The following HELZ variants were observed in gnomAD, a reference collection of about 807,000 sequenced individuals.
The protein encoded by HELZ is ATP-dependent RNA helicase with zinc finger domain.
A neutral mutation model predicts 218.2 loss-of-function variants in HELZ; 23 were observed. The observed-to-expected ratio is 0.11, with a 90% CI of 0.08 to 0.15. The LOEUF (loss-of-function observed/expected upper bound fraction) is 0.15. Among genes scored for constraint, HELZ ranks in the 10% least tolerant of loss-of-function variants. HELZ has a pLI of 1.00. For synonymous variants in HELZ, 814 were observed against 829.4 expected (o/e 0.98, Z 0.32); for missense variants, 1,813 against 2,353.7 (o/e 0.77, Z 4.75).
intron 2 of HELZ, 172 bp from the exon 3 acceptor site, chr17:67,239,661 T>G (rs1411152111): frequency 2.0e-5 from 3 of 152,226 alleles, no homozygotes; most frequent in South Asian, 2.1e-4. Flanking sequence ...GAGATAAGCC[T>G]CCAAAGATTA....
intron 5 of HELZ, among the ~76,000 whole-genome samples, chr17:67,209,745 C>T (rs955455859): frequency 6.6e-6 from 1 of 152,172 alleles, no homozygotes. Context: ...AAGCAAGTAA[C>T]TTAATCTCAC....
chr17:67,087,157 A>G (rs116901173), intron 31 of HELZ, 76 bp from the exon 32 acceptor site: 19,807 of 1,304,638 alleles, frequency 0.015, 249 homozygotes, highest in South Asian at 0.02. Flanking sequence ...CTCCATAGCA[A>G]TATCTCACTA....
chr17:67,163,614 G>A (rs2039054135), intron 15 of HELZ, among the ~76,000 whole-genome samples: 1 of 152,012 alleles, frequency 6.6e-6, no homozygotes, highest in Non-Finnish European at 1.5e-5. Context: ...ATGTTAGCCA[G>A]GATGGTCTCG....
At chr17:67,082,464 A>G (rs990852203) in intron 32 of HELZ, among the ~76,000 whole-genome samples, 23 of 152,248 alleles carry the variant, frequency 1.5e-4, no homozygotes, top group Admixed American at 1.4e-3. Context: ...GCTGTCCAAT[A>G]TAACATAAAA....
intron 32 of HELZ, among the ~76,000 whole-genome samples, chr17:67,082,855 T>TTG (rs1204563275): frequency 6.7e-6 from 1 of 149,994 alleles, no homozygotes; most frequent in African/African-American, 2.5e-5. Context: ...CTGTTTTTTT[T>TTG]TTTTGTTTTT....
At chr17:67,157,151 G>C (rs1346275487) in intron 17 of HELZ, among the ~76,000 whole-genome samples, 1 of 152,150 alleles carries the variant, frequency 6.6e-6, no homozygotes, top group Non-Finnish European at 1.5e-5. Context: ...CCAGCACCAT[G>C]CTTTCTATAA....
intron 5 of HELZ, among the ~76,000 whole-genome samples, chr17:67,208,794 G>A (rs1010912579): frequency 7.9e-5 from 12 of 151,674 alleles, no homozygotes; most frequent in East Asian, 1.9e-4. Context: ...AAAATTAGCC[G>A]GTTGTGGTGG....
chr17:67,178,664 G>A lies in HELZ; in HGVS notation c.1425C>T (p.Ile475=). 3 of 1,601,542 alleles carry A rather than the reference G, an allele frequency of 1.9e-6. No individual in the cohort carries two copies. Among genetic ancestry groups the A allele is most frequent in the Non-Finnish European group, 2.6e-6 (3 of 1,174,502 alleles). The change falls in exon 13 of 33, where the codon ATC becomes ATT. Residue 475 remains isoleucine, a synonymous_variant. Transcript: ENST00000358691. ...YIEEIAQYKE[I]SKFNLKVQLQ... is the part of the protein sequence containing the mutation. ...GTGTTTCTAAAGTAACTTACTTGCT[G>A]ATTTCTTTATACTGGGCTATCTCCT...
Position 67,194,058 on chromosome 17 carries a change from G to GATAT in HELZ, c.482-20_482-17dup, listed in dbSNP as rs2039964839. ...TTACAAGACCCTAGGGAGTAATTAG[G>GATAT]ATATAGTCTTATCATTTGAGGCTAG... On this transcript the variant is annotated splice_polypyrimidine_tract_variant and intron_variant, in intron 8 of 32. Transcript: ENST00000358691. 6.3e-7 allele frequency: 1 copy of GATAT among 1,578,810 alleles called. No homozygotes were observed. Among genetic ancestry groups the GATAT allele is most frequent in the Non-Finnish European group, 8.7e-7 (1 of 1,149,960 alleles).
chr17:67,086,623 TAA>T (rs2036385227), intron 32 of HELZ, among the ~76,000 whole-genome samples: 1 of 46,572 alleles, frequency 2.1e-5, no homozygotes, highest in Non-Finnish European at 3.6e-5. Context: ...TAAATAAATA[TAA>T]ATATAAATAT....
chr17:67,201,250 GCTCA>G (rs2040161876), intron 6 of HELZ, 65 bp from the exon 7 acceptor site: 15 of 994,366 alleles, frequency 1.5e-5, no homozygotes, highest in Non-Finnish European at 2.2e-5. Flanking sequence ...TGGCAACTTA[GCTCA>G]ATTCCTCTGT....
In HELZ at chr17:67,195,405, C is replaced by T. The variant is rs1390499457; in HGVS notation, c.481+14G>A. The T allele has an allele frequency of 6.5e-7, 1 of 1,544,930 alleles. No individual in the cohort carries two copies. The highest frequency in any genetic ancestry group is 1.1e-5 in the South Asian group (1 of 88,894). On this transcript the variant is annotated intron_variant, in intron 8 of 32. Transcript: ENST00000358691. ...TTCACAGCTACCAGAAGTTACACAG[C>T]ATTTGGCACTTACCCTCATCTAAGT...
intron 15 of HELZ, 27 bp downstream of exon 15, chr17:67,166,451 C>A: frequency 2.5e-6 from 4 of 1,581,458 alleles, no homozygotes; most frequent in Non-Finnish European, 3.5e-6. Context: ...ACCTAACTTC[C>A]TTTAATAAGA....
At chr17:67,166,439 T>C in intron 15 of HELZ, 39 bp downstream of exon 15, 2 of 1,547,118 alleles carry the variant, frequency 1.3e-6, no homozygotes, top group Non-Finnish European at 1.8e-6. Context: ...AATTTAATAT[T>C]AACCTAACTT....
At chr17:67,137,010 A>G (rs949133310) in intron 22 of HELZ, among the ~76,000 whole-genome samples, 4 of 152,134 alleles carry the variant, frequency 2.6e-5, no homozygotes, top group African/African-American at 9.7e-5. Context: ...CAACCTTAAA[A>G]TTATCTAGTC....
chr17:67,210,796 C>A (rs1316713476), intron 5 of HELZ, among the ~76,000 whole-genome samples: 2 of 151,918 alleles, frequency 1.3e-5, no homozygotes, highest in African/African-American at 2.4e-5. Context: ...GTGGCGCATG[C>A]CTGTAGTCCC....
At chr17:67,089,171 T>C (rs185450884) in intron 31 of HELZ, among the ~76,000 whole-genome samples, 1 of 152,336 alleles carries the variant, frequency 6.6e-6, no homozygotes, top group Admixed American at 6.5e-5. Context: ...CAGATTATGA[T>C]AACCATGTCT....
chr17:67,130,827 T>C (rs1453112948), intron 23 of HELZ, among the ~76,000 whole-genome samples: 1 of 152,244 alleles, frequency 6.6e-6, no homozygotes, highest in East Asian at 1.9e-4. Context: ...TGCGTTGGAC[T>C]TCAAGACAAA....
chr17:67,245,248 A>G (rs1314422026), upstream of HELZ: 9 of 972,744 alleles, frequency 9.3e-6, no homozygotes, highest in Non-Finnish European at 1.1e-5. Flanking sequence ...CCGGCCCCCG[A>G]CTCCCGCCTC....
Sources: allele counts gnomAD v4.1 joint callset (sites outside exome capture counted in the v4.1 genomes callset), GRCh38; gene constraint gnomAD v4.1.1; transcripts MANE v1.5; gene names NCBI Gene and HGNC (gene_info 2026-07-23, HGNC 2026-07-21).